The following DNAH10 variants were observed in gnomAD, a reference collection of about 807,000 sequenced individuals.
DNAH10 encodes dynein axonemal heavy chain 10, also known as axonemal beta dynein heavy chain 10.
In DNAH10, 348 loss-of-function variants were observed where a neutral mutation model predicts 506.6. The observed-to-expected ratio is 0.69, with a 90% CI of 0.63 to 0.75. DNAH10 has a LOEUF of 0.75. DNAH10 is among the 30% of genes least tolerant of loss of function. DNAH10 has a pLI of 0.00. For synonymous variants in DNAH10, 2,059 were observed against 2,198.6 expected (o/e 0.94, Z 1.78); for missense variants, 5,179 against 5,787.1 (o/e 0.89, Z 3.41).
At chr12:123,869,389 C>G (rs1951935840) in intron 43 of DNAH10, among the ~76,000 whole-genome samples, 1 of 152,136 alleles carries the variant, frequency 6.6e-6, no homozygotes, top group Non-Finnish European at 1.5e-5. Context: ...CCAAGTCTGT[C>G]TTCTCTGCCT....
At chr12:123,858,843 T>C (rs1951501287) in intron 37 of DNAH10, among the ~76,000 whole-genome samples, 1 of 152,062 alleles carries the variant, frequency 6.6e-6, no homozygotes. Context: ...TCACACATTC[T>C]AGGATCCCAT....
At chr12:123,897,305 T>C (rs1953296930) in intron 54 of DNAH10, among the ~76,000 whole-genome samples, 1 of 152,220 alleles carries the variant, frequency 6.6e-6, no homozygotes, top group Admixed American at 6.5e-5. Context: ...ACAGTAAACA[T>C]TGGCATACAA....
At chr12:123,811,553 T>G (rs887560002) in intron 19 of DNAH10, among the ~76,000 whole-genome samples, 7 of 152,082 alleles carry the variant, frequency 4.6e-5, no homozygotes, top group Admixed American at 2.6e-4. Context: ...TAGGCTGGAG[T>G]GCAGTGGTGC....
rs1397031428 is a variant in DNAH10, at chr12:123,926,941, G to A, written c.12105+121G>A. On this transcript the variant is annotated intron_variant, in intron 69 of 78. Transcript: ENST00000673944. This position sits in a 1 kb window ranked among gnomAD's most constrained non-coding sequence, Gnocchi z 4.1. ...CCACAAATCAGTTGGATGCATTTCC[G>A]AGCTAAGAAGCAGTAATGAAACACT... 9 of 1,097,462 alleles carry A rather than the reference G, an allele frequency of 8.2e-6. No individual in the cohort carries two copies. Among genetic ancestry groups the A allele is most frequent in the South Asian group, 3.0e-5 (2 of 66,556 alleles). 68.0% of individuals were successfully genotyped at this position (1,097,462 alleles called of 1,614,324 possible).
chr12:123,776,111 A>G (rs1461455945), intron 5 of DNAH10, among the ~76,000 whole-genome samples: 1 of 152,164 alleles, frequency 6.6e-6, no homozygotes, highest in African/African-American at 2.4e-5. Context: ...GGTCTCTCCC[A>G]TGACACGTGG....
intron 73 of DNAH10, 105 bp downstream of exon 73, chr12:123,930,678 T>C: frequency 7.4e-7 from 1 of 1,348,628 alleles, no homozygotes; most frequent in South Asian, 1.4e-5. Context: ...GCTGGTCAGG[T>C]GTGGTCTGTT....
At chr12:123,796,567 T>C (rs549449892) in intron 12 of DNAH10, 89 bp from the exon 13 acceptor site, 1 of 1,241,654 alleles carries the variant, frequency 8.1e-7, no homozygotes, top group South Asian at 1.6e-5. Context: ...GACATTCCAC[T>C]TTTGGTTTCC....
chr12:123,836,926 C>T (rs2136562489), intron 28 of DNAH10, among the ~76,000 whole-genome samples: 1 of 151,770 alleles, frequency 6.6e-6, no homozygotes, highest in Non-Finnish European at 1.5e-5. Context: ...AATCTTGACT[C>T]TCTGTAAGCT....
intron 15 of DNAH10, 39 bp downstream of exon 15, chr12:123,800,427 TG>T (rs1565918697): frequency 6.3e-7 from 1 of 1,591,610 alleles, no homozygotes; most frequent in Non-Finnish European, 8.6e-7. Context: ...GTAAGCTTTT[TG>T]TTCTTGGGAC....
intron 54 of DNAH10, 109 bp from the exon 55 acceptor site, chr12:123,897,661 G>C: frequency 8.7e-7 from 1 of 1,146,454 alleles, no homozygotes; most frequent in Non-Finnish European, 1.2e-6. Flanking sequence ...GGAGATGGAG[G>C]CTGCAGTGAG....
At chr12:123,856,118 TTATATA>T in intron 36 of DNAH10, among the ~76,000 whole-genome samples, 1 of 147,242 alleles carries the variant, frequency 6.8e-6, no homozygotes, top group Non-Finnish European at 1.5e-5. Flanking sequence ...ACATAACATT[TTATATA>T]CATTTATAAA....
rs1432500995 is a variant in DNAH10, at chr12:123,813,760, G to A, written c.3628G>A (p.Ala1210Thr). The A allele has an allele frequency of 1.2e-6, 2 of 1,612,932 alleles. No homozygotes were observed. Residue 1210 changes from alanine to threonine, a missense_variant, in exon 21 of 79, where the codon GCC becomes ACC. Ala to Thr is a moderately conservative substitution (Grantham distance 58, BLOSUM62 0). Around this residue, in one of 3 missense-constraint regions of DNAH10, gnomAD observed 4,844 missense variants for 5,430.5 expected, o/e 0.89. Transcript: ENST00000673944. ...TTTGTACTTTCTGTTATAGCACCTG[G>A]CCAAAAACCTTAGGAAGATCCCCAA... The part of the protein sequence containing the change: ...YNLHEEMEHL[A>T]KNLRKIPNTL...
chr12:123,787,718 A>G lies in DNAH10; in HGVS notation c.1422-86A>G. 6.6e-7 allele frequency: 1 copy of G among 1,512,776 alleles called. No homozygotes were observed. Among genetic ancestry groups the G allele is most frequent in the Non-Finnish European group, 9.0e-7 (1 of 1,112,104 alleles). 93.7% of individuals were successfully genotyped at this position (1,512,776 alleles called of 1,614,324 possible). A position where few individuals can be genotyped will look rare whatever the true frequency, so the allele number is the denominator to read the frequency against. On this transcript the variant is annotated intron_variant, in intron 9 of 78. Coordinates refer to ENST00000673944, the MANE Select transcript of DNAH10 (RefSeq NM_001372106.1). The surrounding 1 kb of genome is among the most constrained non-coding windows in gnomAD (Gnocchi z 4.6). The stretch of plus-strand genomic sequence containing the variant: ...GGGGGGGCGCCCGGGTCAGAGCTTC[A>G]CGGGACACTGGCTCCCCAGCCGGGG...
In DNAH10 at chr12:123,787,828, C is replaced by T; in HGVS notation, c.1446C>T (p.Ser482=). The change falls in exon 10 of 79, where the codon AGC becomes AGT. Residue 482 remains serine (S), a synonymous_variant. Coordinates refer to ENST00000673944, the MANE Select transcript of DNAH10 (RefSeq NM_001372106.1). The surrounding 1 kb of genome is among the most constrained non-coding windows in gnomAD (Gnocchi z 4.6). ...LFKENRASAQ[S]KTLEARNTLR... is the part of the protein sequence containing the mutation. ...GAGAAAATCGAGCGAGTGCCCAAAG[C>T]AAAACCTTGGAAGCCAGGAACACCC... The T allele has an allele frequency of 6.2e-7, 1 of 1,614,016 alleles. No homozygotes were observed. The highest frequency in any genetic ancestry group is 8.5e-7 in the Non-Finnish European group (1 of 1,179,982).
Position 123,870,558 on chromosome 12 carries a change from A to C in DNAH10, c.7639+73A>C, listed in dbSNP as rs1386288683. ...CTCGCTCTAGGAGGAGGCAAAGAAG[A>C]TCCCATGGCTTCTCTGGTACTCTAA... On this transcript the variant is annotated intron_variant, in intron 44 of 78. Coordinates refer to ENST00000673944, the MANE Select transcript of DNAH10 (RefSeq NM_001372106.1). 24 of 1,538,810 alleles carry C rather than the reference A, an allele frequency of 1.6e-5. No individual in the cohort carries two copies. In the Admixed American group the frequency reaches 4.9e-4, roughly 31 times the overall value.
chr12:123,902,954 A>G lies in DNAH10; in HGVS notation c.9656A>G (p.Lys3219Arg). The G allele has an allele frequency of 6.3e-7, 1 of 1,588,384 alleles. No homozygotes were observed. The highest frequency in any genetic ancestry group is 8.6e-7 in the Non-Finnish European group (1 of 1,167,824). Reference protein sequence around the residue: ...VNTAVAEEKKKLAEEKAMEIE... With the variant: ...VNTAVAEEKKRLAEEKAMEIE... ...TACCCTGCAGCCGAGGAGAAGAAGA[A>G]ACTGGCAGAGGAAAAGGCCATGGAG... Residue 3219 changes from lysine to arginine, a missense_variant, in exon 57 of 79, where the codon AAA becomes AGA. This residue lies in a region of DNAH10 where 4,844 missense variants were observed against 5,430.5 expected (regional missense o/e 0.89). Transcript: ENST00000673944. The surrounding 1 kb of genome is among the most constrained non-coding windows in gnomAD (Gnocchi z 4.5).
chr12:123,785,662 A>C lies in DNAH10; in HGVS notation c.1231-84A>C. 37 of 1,169,350 alleles carry C rather than the reference A, an allele frequency of 3.2e-5. No homozygotes were observed. Among genetic ancestry groups the C allele is most frequent in the Non-Finnish European group, 3.6e-5 (31 of 871,852 alleles). The allele number at this position is 1,169,350 out of a possible 1,614,324, so 72.4% of individuals were successfully genotyped here. The stretch of plus-strand genomic sequence containing the variant: ...AAAAAAAAAAAAAAAAAAGAGTGAA[A>C]CTTCTTGCATGCTTACTGTTTTATG... On this transcript the variant is annotated intron_variant, in intron 8 of 78. Transcript: ENST00000673944. This position sits in a 1 kb window ranked among gnomAD's most constrained non-coding sequence, Gnocchi z 4.1.
At chr12:123,820,922 T>C (rs1231043693) in intron 24 of DNAH10, among the ~76,000 whole-genome samples, 164 bp downstream of exon 24, 2 of 152,204 alleles carry the variant, frequency 1.3e-5, no homozygotes, top group Admixed American at 6.5e-5. Flanking sequence ...TGATTGCTTA[T>C]GGGTACAGGG....
chr12:123,815,110 C>T (rs561684095), intron 21 of DNAH10, among the ~76,000 whole-genome samples: 20 of 152,250 alleles, frequency 1.3e-4, no homozygotes, highest in Admixed American at 3.3e-4. Context: ...TTGCATTGAT[C>T]CTTTAGATTA....
Sources: allele counts gnomAD v4.1 joint callset (sites outside exome capture counted in the v4.1 genomes callset), GRCh38; gene constraint gnomAD v4.1.1; regional missense constraint gnomAD v4.1.1; non-coding constraint Gnocchi (gnomAD v3.1); transcripts MANE v1.5; gene names NCBI Gene and HGNC (gene_info 2026-07-23, HGNC 2026-07-21).